Variants in FNDC3A observed in about 807,000 individuals in gnomAD.
FNDC3A encodes the protein fibronectin type-III domain-containing protein 3A.
Under a neutral mutation model 148.9 loss-of-function variants are expected in FNDC3A, and 32 were observed. That is an observed-to-expected ratio of 0.21 (90% CI 0.16 to 0.29). FNDC3A has a LOEUF of 0.29. Among genes scored for constraint, FNDC3A ranks in the 10% least tolerant of loss-of-function variants. The pLI, the probability that FNDC3A is intolerant of heterozygous loss-of-function variation, is 1.00. For missense variants in FNDC3A, 1,191 were observed against 1,452.8 expected (o/e 0.82, Z 2.93); for synonymous variants, 472 against 473.6 (o/e 1.00, Z 0.04).
At chr13:49,055,636 C>G (rs2137723425) in intron 2 of FNDC3A, among the ~76,000 whole-genome samples, 1 of 152,314 alleles carries the variant, frequency 6.6e-6, no homozygotes, top group East Asian at 1.9e-4. Context: ...GATAATAGCT[C>G]TTTCAACCAA....
intron 1 of FNDC3A, among the ~76,000 whole-genome samples, chr13:48,994,360 CAA>C (rs891322254): frequency 3.7e-4 from 56 of 152,142 alleles, no homozygotes; most frequent in African/African-American, 1.2e-3. Flanking sequence ...AAAAACAAGA[CAA>C]TGCAAAATTT....
intron 2 of FNDC3A, among the ~76,000 whole-genome samples, chr13:49,056,503 A>G (rs1167415446): frequency 6.6e-6 from 1 of 152,178 alleles, no homozygotes. Flanking sequence ...AAGTCACTGC[A>G]GAAAAATTCT....
At chr13:49,078,737 G>A (rs1179139626) in intron 3 of FNDC3A, among the ~76,000 whole-genome samples, 5 of 152,200 alleles carry the variant, frequency 3.3e-5, no homozygotes, top group Non-Finnish European at 7.3e-5. Flanking sequence ...TCTGTCATAT[G>A]GCAAGCCCCT....
chr13:49,092,198 G>A (rs1003530395), intron 3 of FNDC3A, among the ~76,000 whole-genome samples: 4 of 152,202 alleles, frequency 2.6e-5, no homozygotes, highest in African/African-American at 9.6e-5. Flanking sequence ...GCCTGGACCT[G>A]TTGCAGAGCT....
At position 49,174,463 on chromosome 13, in the gene FNDC3A, G is replaced by A; in HGVS notation, c.1259G>A (p.Cys420Tyr). The A allele has an allele frequency of 6.2e-7, 1 of 1,611,760 alleles. No homozygotes were observed. ...AAAGGAAATGGAGAATTTTGTCAGT[G>A]TTACATGGGCTCACAGAAACAATTT... Reference protein sequence around the residue: ...EGKGNGEFCQCYMGSQKQFKI... With the variant: ...EGKGNGEFCQYYMGSQKQFKI... Residue 420 changes from cysteine (C) to tyrosine (Y), a missense_variant, in exon 12 of 26, where the codon TGT becomes TAT. By Grantham distance (194) the Cys-to-Tyr change is radical. Coordinates refer to ENST00000492622, the MANE Select transcript of FNDC3A (RefSeq NM_001079673.2).
intron 10 of FNDC3A, among the ~76,000 whole-genome samples, chr13:49,169,043 TA>T (rs759251610): frequency 2.0e-5 from 3 of 152,238 alleles, no homozygotes; most frequent in Non-Finnish European, 4.4e-5. Context: ...CTTTTTGTAA[TA>T]TTTCGTCATG....
chr13:49,032,533 G>C (rs891275838), intron 2 of FNDC3A, among the ~76,000 whole-genome samples: 1 of 152,274 alleles, frequency 6.6e-6, no homozygotes, highest in East Asian at 1.9e-4. Context: ...AGTCTTAAAA[G>C]TCTACAGACT....
intron 3 of FNDC3A, among the ~76,000 whole-genome samples, chr13:49,096,748 A>G (rs1032817220): frequency 1.3e-5 from 2 of 152,138 alleles, no homozygotes; most frequent in Non-Finnish European, 2.9e-5. Context: ...TACAACAGAC[A>G]GAAAAGTAAC....
intron 15 of FNDC3A, 38 bp from the exon 16 acceptor site, chr13:49,187,084 T>G (rs763421621): frequency 6.8e-7 from 1 of 1,471,074 alleles, no homozygotes; most frequent in Non-Finnish European, 9.4e-7. Context: ...TTATGTTGTT[T>G]TGTACCTTGC....
At position 49,205,123 on chromosome 13, in the gene FNDC3A, T is replaced by A. The variant is rs1389779890; in HGVS notation, c.3282+1839T>A. On this transcript the variant is annotated intron_variant, in intron 25 of 25. Coordinates refer to ENST00000492622, the MANE Select transcript of FNDC3A (RefSeq NM_001079673.2). ...GGATTCCATAAACACTGTTTTAATG[T>A]CACACACCTACAGTGGTCCCTTTTG... Among the ~76,000 whole-genome samples the A allele has an allele frequency of 2.0e-5, 3 of 152,328 alleles. No homozygotes were observed. In the East Asian group the frequency reaches 5.8e-4, roughly 29 times the overall value.
chr13:49,192,593 G>A (rs1885941193), intron 19 of FNDC3A, among the ~76,000 whole-genome samples: 1 of 152,040 alleles, frequency 6.6e-6, no homozygotes, highest in Non-Finnish European at 1.5e-5. Flanking sequence ...CACTATGCCC[G>A]GCCTAAATTT....
intron 7 of FNDC3A, among the ~76,000 whole-genome samples, chr13:49,144,023 CTACTACTACTAA>C (rs1298808266): frequency 8.1e-5 from 12 of 148,196 alleles, no homozygotes; most frequent in African/African-American, 3.1e-4. Context: ...GCTACTACTA[CTACTACTACTAA>C]TAATAATAAT....
chr13:49,193,689 G>T (rs1886006467), intron 19 of FNDC3A, among the ~76,000 whole-genome samples: 1 of 152,200 alleles, frequency 6.6e-6, no homozygotes, highest in South Asian at 2.1e-4. Flanking sequence ...GGAGGCCAAG[G>T]TGGGTGGGTC....
At chr13:49,064,457 A>C (rs1877127280) in intron 2 of FNDC3A, among the ~76,000 whole-genome samples, 1 of 146,106 alleles carries the variant, frequency 6.8e-6, no homozygotes, top group Admixed American at 7.0e-5. Flanking sequence ...AGCAACAAAC[A>C]AGTGTCCACA....
chr13:48,981,419 C>T (rs1951692350), intron 1 of FNDC3A, among the ~76,000 whole-genome samples: 1 of 151,180 alleles, frequency 6.6e-6, no homozygotes, highest in Admixed American at 6.6e-5. Flanking sequence ...ACTATAAAAG[C>T]ATTAAAATAC....
chr13:49,092,962 A>C (rs1879283312), intron 3 of FNDC3A, among the ~76,000 whole-genome samples: 1 of 152,110 alleles, frequency 6.6e-6, no homozygotes, highest in Non-Finnish European at 1.5e-5. Flanking sequence ...TCAACTTTAA[A>C]TCTTAAGAGA....
At chr13:49,045,082 C>CCTTTCCCTTTCCTTTTTT (rs1875273840) in intron 2 of FNDC3A, 2 of 118,274 alleles carry the variant, frequency 1.7e-5, no homozygotes, top group African/African-American at 3.3e-5. Flanking sequence ...CTTTCCCTTT[C>CCTTTCCCTTTCCTTTTTT]CTTTCCCTTT....
At chr13:49,142,754 A>G (rs1882761301) in intron 7 of FNDC3A, among the ~76,000 whole-genome samples, 1 of 152,192 alleles carries the variant, frequency 6.6e-6, no homozygotes. Flanking sequence ...ATTTTATCTC[A>G]TCCAAGTTCT....
At chr13:49,153,397 C>A (rs1358360741) in intron 8 of FNDC3A, among the ~76,000 whole-genome samples, 1 of 152,062 alleles carries the variant, frequency 6.6e-6, no homozygotes, top group Non-Finnish European at 1.5e-5. Flanking sequence ...TGTTTGAGTT[C>A]ATTGTGGATT....
Sources: gnomAD v4.1 joint callset for allele counts (sites outside exome capture counted in the v4.1 genomes callset) on GRCh38, gnomAD v4.1.1 for gene constraint, MANE v1.5 for transcripts, NCBI Gene and HGNC (gene_info 2026-07-23, HGNC 2026-07-21) for gene names.